The following DNAJC6 variants were observed in gnomAD, a reference collection of about 807,000 sequenced individuals.
The protein encoded by DNAJC6 is DnaJ heat shock protein family (Hsp40) member C6, also known as auxilin.
DNAJC6 carries 34 observed loss-of-function variants against 110.0 expected under a neutral mutation model. The ratio of observed to expected loss-of-function variants is 0.31; its 90% CI spans 0.24 to 0.41. The LOEUF is 0.41. Among genes scored for constraint, DNAJC6 ranks in the 10% least tolerant of loss-of-function variants. The pLI, the probability that DNAJC6 is intolerant of heterozygous loss-of-function variation, is 1.00. For missense variants in DNAJC6, 1,031 were observed against 1,207.8 expected, an observed-to-expected ratio of 0.85 and a Z score of 2.17; for synonymous variants, 406 against 437.2, an observed-to-expected ratio of 0.93 and a Z score of 0.89.
rs548853975 is a variant in DNAJC6 at position 65,332,219 on chromosome 1, G to T, written c.193+22281G>T. On this transcript the variant is annotated intron_variant, in intron 1 of 18. Transcript: ENST00000371069. ...GTGGGGCACTCAATGAAGAAAGGAT[G>T]TCTCTATGGTTAACTCTCTTTTCCA... Among the ~76,000 whole-genome samples, 22 of 152,270 alleles carry T rather than the reference G, an allele frequency of 1.4e-4. No individual in the cohort carries two copies. The South Asian group carries it at 4.6e-3, about 32-fold the overall frequency.
Position 65,309,845 on chromosome 1 carries a change from G to A in DNAJC6, c.100G>A (p.Gly34Arg), listed in dbSNP as rs1284297241. The A allele has an allele frequency of 1.3e-6, 2 of 1,548,726 alleles. No homozygotes were observed. The highest frequency in any genetic ancestry group is 2.8e-5 in the African/African-American group (2 of 72,656). ...SNGDLSAGSG[G>R]VGGKQRVNAG... The stretch of plus-strand genomic sequence containing the variant: ...CGGGGACTTAAGTGCGGGAAGCGGC[G>A]GGGTTGGCGGCAAGCAGAGAGTGAA... Residue 34 changes from glycine to arginine, a missense_variant, in exon 1 of 19, where the codon GGG (glycine) becomes AGG (arginine). Coordinates refer to ENST00000371069, the MANE Select transcript of DNAJC6 (RefSeq NM_001256864.2).
At chr1:65,408,540 C>T (rs1346985834) in intron 16 of DNAJC6, 101 bp from the exon 17 acceptor site, 12 of 1,313,328 alleles carry the variant, frequency 9.1e-6, no homozygotes, top group Middle Eastern at 2.0e-4. Context: ...GGACTGAATG[C>T]ATATTAAAAA....
intron 1 of DNAJC6, among the ~76,000 whole-genome samples, chr1:65,285,346 C>G (rs1043296141): frequency 6.6e-6 from 1 of 152,174 alleles, no homozygotes; most frequent in Non-Finnish European, 1.5e-5. Context: ...GTTATTGGGC[C>G]TCATCTTATT....
Position 65,338,017 on chromosome 1 carries a change from T to C in DNAJC6, c.194-26618T>C, listed in dbSNP as rs142856158. On this transcript the variant is annotated intron_variant, in intron 1 of 18. Coordinates refer to ENST00000371069, the MANE Select transcript of DNAJC6 (RefSeq NM_001256864.2). ...CCAGATGTTCCAGGCTCATCTTGTA[T>C]GTTTTCTGCCCCAATCTTAGAATCA... Among the ~76,000 whole-genome samples, 293 of 152,292 alleles carry C rather than the reference T, an allele frequency of 1.9e-3. 3 individuals are homozygous for C. Among genetic ancestry groups the C allele is most frequent in the African/African-American group, 6.3e-3 (264 of 41,576 alleles).
At chr1:65,399,466 A>G (rs982688506) in intron 14 of DNAJC6, among the ~76,000 whole-genome samples, 2 of 152,170 alleles carry the variant, frequency 1.3e-5, no homozygotes, top group African/African-American at 4.8e-5. Flanking sequence ...TGCACATACA[A>G]ACACATACAC....
intron 6 of DNAJC6, among the ~76,000 whole-genome samples, chr1:65,385,252 G>C (rs1645859930): frequency 6.6e-6 from 1 of 152,036 alleles, no homozygotes; most frequent in South Asian, 2.1e-4. Flanking sequence ...CTGAAAAATG[G>C]AATAAAAAAG....
chr1:65,374,605 C>T (rs1645741640), intron 4 of DNAJC6, among the ~76,000 whole-genome samples: 1 of 152,076 alleles, frequency 6.6e-6, no homozygotes, highest in Admixed American at 6.5e-5. Context: ...AATATGAATG[C>T]TGTTGATTTA....
chr1:65,309,770 A>C lies in DNAJC6; in HGVS notation c.25A>C (p.Lys9Gln). 2 of 1,547,364 alleles carry C rather than the reference A, an allele frequency of 1.3e-6. No homozygotes were observed. Among genetic ancestry groups the C allele is most frequent in the Non-Finnish European group, 1.7e-6 (2 of 1,145,590 alleles). MSLLGSYRKKTSNDGYESL... is the reference protein window; with the variant it reads MSLLGSYRQKTSNDGYESL... ...CATGAGCCTCCTCGGGAGCTACCGG[A>C]AAAAGACCAGCAACGATGGTTATGA... Residue 9 changes from lysine (K) to glutamine (Q), a missense_variant, in exon 1 of 19, where the codon AAA (lysine) becomes CAA (glutamine). Coordinates refer to ENST00000371069, the MANE Select transcript of DNAJC6 (RefSeq NM_001256864.2).
intron 7 of DNAJC6, 30 bp from the exon 8 acceptor site, chr1:65,386,782 T>C: frequency 6.4e-7 from 1 of 1,572,050 alleles, no homozygotes; most frequent in Non-Finnish European, 8.8e-7. Context: ...TGGACTCTCT[T>C]TCAATGTATA....
chr1:65,287,057 C>A (rs1034281395), intron 1 of DNAJC6, among the ~76,000 whole-genome samples: 1 of 152,088 alleles, frequency 6.6e-6, no homozygotes, highest in Non-Finnish European at 1.5e-5. Context: ...AGTTATTAAA[C>A]TTTTACTGAC....
intron 1 of DNAJC6, among the ~76,000 whole-genome samples, chr1:65,363,575 G>A (rs1482187710): frequency 6.6e-6 from 1 of 152,104 alleles, no homozygotes; most frequent in Non-Finnish European, 1.5e-5. Flanking sequence ...TTCAACCAGG[G>A]GTGATTTTGC....
intron 1 of DNAJC6, among the ~76,000 whole-genome samples, chr1:65,289,580 C>A (rs1329772679): frequency 2.0e-5 from 3 of 152,118 alleles, no homozygotes; most frequent in South Asian, 4.1e-4. Flanking sequence ...AGGTTAAGCA[C>A]CTAGTCATAA....
chr1:65,411,264 T>C lies in DNAJC6; in HGVS notation c.2649T>C (p.Ile883=). The C allele has an allele frequency of 6.2e-7, 1 of 1,613,572 alleles. No individual in the cohort carries two copies. The highest frequency in any genetic ancestry group is 8.5e-7 in the Non-Finnish European group (1 of 1,179,628). ...DPEKLKILEW[I]EGKERNIRAL... is the part of the protein sequence containing the mutation. ...TGTGTTTACAGATTCTGGAATGGATTGAAGGCAAAGAAAGAAATATCAGAG... is the reference window on the plus strand; with the variant it reads ...TGTGTTTACAGATTCTGGAATGGATCGAAGGCAAAGAAAGAAATATCAGAG... The change falls in exon 18 of 19, where the codon ATT becomes ATC. Residue 883 remains isoleucine, a synonymous_variant. Transcript: ENST00000371069.
chr1:65,339,145 C>T (rs1357412864), intron 1 of DNAJC6, among the ~76,000 whole-genome samples: 1 of 151,998 alleles, frequency 6.6e-6, no homozygotes, highest in Non-Finnish European at 1.5e-5. Flanking sequence ...TCAATAGATA[C>T]CTGAGTAAAT....
intron 14 of DNAJC6, 145 bp downstream of exon 14, chr1:65,399,026 C>T: frequency 1.2e-6 from 1 of 805,536 alleles, no homozygotes; most frequent in Non-Finnish European, 2.0e-6. Context: ...TCTAGAAGAG[C>T]TTTTCCCAAT....
intron 5 of DNAJC6, 151 bp from the exon 6 acceptor site, chr1:65,384,042 G>T: frequency 1.2e-6 from 1 of 856,160 alleles, no homozygotes; most frequent in Non-Finnish European, 1.6e-6. Flanking sequence ...AACAAATTTT[G>T]GTTTTCAAGT....
intron 1 of DNAJC6, among the ~76,000 whole-genome samples, chr1:65,286,809 C>A (rs941785636): frequency 2.6e-5 from 4 of 152,162 alleles, no homozygotes; most frequent in Admixed American, 2.6e-4. Context: ...TATATTAGCT[C>A]ATTTAAACCT....
At chr1:65,355,215 A>T (rs2101530571) in intron 1 of DNAJC6, among the ~76,000 whole-genome samples, 1 of 145,732 alleles carries the variant, frequency 6.9e-6, no homozygotes, top group Admixed American at 7.0e-5. Context: ...GTGAGCCAAG[A>T]TTGGGCCACT....
intron 1 of DNAJC6, among the ~76,000 whole-genome samples, chr1:65,321,223 G>T (rs1340774291): frequency 6.6e-6 from 1 of 152,138 alleles, no homozygotes; most frequent in Admixed American, 6.5e-5. Flanking sequence ...TTGAGACAGG[G>T]TCTTGCTCTG....
Sources: gnomAD v4.1 joint callset for allele counts (sites outside exome capture counted in the v4.1 genomes callset) on GRCh38, gnomAD v4.1.1 for gene constraint, MANE v1.5 for transcripts, NCBI Gene and HGNC (gene_info 2026-07-23, HGNC 2026-07-21) for gene names.